Variants in ANKRD30B observed in about 807,000 individuals in gnomAD.
The protein encoded by ANKRD30B is ankyrin repeat domain-containing protein 30B.
In ANKRD30B, 144 loss-of-function variants were observed where a neutral mutation model predicts 202.2. The ratio of observed to expected loss-of-function variants is 0.71; its 90% confidence interval spans 0.62 to 0.82. The LOEUF (loss-of-function observed/expected upper bound fraction) is 0.82. ANKRD30B is among the 40% of genes least tolerant of loss of function. ANKRD30B has a pLI of 0.00. For missense variants in ANKRD30B, 1,487 were observed against 1,669.1 expected, an observed-to-expected ratio of 0.89 and a Z score of 1.90; for synonymous variants, 508 against 561.3, an observed-to-expected ratio of 0.91 and a Z score of 1.34.
downstream of ANKRD30B, among the ~76,000 whole-genome samples, chr18:14,858,068 T>C (rs1331751160): frequency 2.1e-5 from 2 of 96,066 alleles, no homozygotes; most frequent in East Asian, 5.4e-4. Flanking sequence ...GGCGCTCAAC[T>C]GCCAGACCGG....
intron 41 of ANKRD30B, 93 bp downstream of exon 41, chr18:14,850,475 G>T (rs1003257807): frequency 1.6e-6 from 2 of 1,246,638 alleles, no homozygotes; most frequent in East Asian, 6.0e-5. Context: ...TGTTATTCAG[G>T]TCTAAATCAA....
chr18:14,933,703 G>A, the ANKRD30B span, among the ~76,000 whole-genome samples: 3,051 of 151,192 alleles, frequency 0.02, 105 homozygotes, highest in African/African-American at 0.07. Flanking sequence ...AAAGGGGTTA[G>A]GGACTGGCAT....
chr18:14,913,814 C>T, the ANKRD30B span, among the ~76,000 whole-genome samples: 1 of 152,174 alleles, frequency 6.6e-6, no homozygotes, highest in African/African-American at 2.4e-5. Context: ...GTTTACTCTC[C>T]CTCTCACAGT....
the ANKRD30B span, among the ~76,000 whole-genome samples, chr18:14,930,703 G>A: frequency 6.6e-6 from 1 of 151,892 alleles, no homozygotes; most frequent in East Asian, 1.9e-4. Context: ...AACAGCATGG[G>A]GTGTCCACAG....
chr18:14,834,501 GAT>G (rs1215849282), intron 34 of ANKRD30B, among the ~76,000 whole-genome samples: 2 of 151,948 alleles, frequency 1.3e-5, no homozygotes, highest in African/African-American at 4.8e-5. Context: ...TAGAATAAAA[GAT>G]ATGATATAAA....
chr18:14,917,130 CT>C, the ANKRD30B span, among the ~76,000 whole-genome samples: 10 of 152,230 alleles, frequency 6.6e-5, no homozygotes. Context: ...CTCCCTCCCC[CT>C]GGCTGCGTCC....
chr18:14,891,067 A>G, the ANKRD30B span, among the ~76,000 whole-genome samples: 1 of 152,122 alleles, frequency 6.6e-6, no homozygotes, highest in African/African-American at 2.4e-5. Flanking sequence ...GCAATTTGCT[A>G]TTAATTACAT....
intron 9 of ANKRD30B, among the ~76,000 whole-genome samples, chr18:14,777,069 A>T (rs1404558356): frequency 6.6e-6 from 1 of 152,214 alleles, no homozygotes; most frequent in African/African-American, 2.4e-5. Flanking sequence ...AGGACTACAG[A>T]GTAAGGCAGA....
At position 14,814,607 on chromosome 18, in the gene ANKRD30B, A is replaced by C. The variant is rs1470281468; in HGVS notation, c.2551-14A>C. On this transcript the variant is annotated splice_polypyrimidine_tract_variant and intron_variant, in intron 29 of 43. Transcript: ENST00000690538. Reference sequence around the variant, plus strand: ...TTCTCCATTGAAATTATTTATTGATATTACTTTTAACAGAGTTTCCTTGAG... The same window carrying C: ...TTCTCCATTGAAATTATTTATTGATCTTACTTTTAACAGAGTTTCCTTGAG... 8.1e-7 allele frequency: 1 copy of C among 1,228,794 alleles called. No individual in the cohort carries two copies. Among genetic ancestry groups the C allele is most frequent in the East Asian group, 2.6e-5 (1 of 39,136 alleles). 76.1% of individuals were successfully genotyped at this position (1,228,794 alleles called of 1,614,324 possible). A position where few individuals can be genotyped will look rare whatever the true frequency, so the allele number is the denominator to read the frequency against.
At chr18:14,900,505 T>C in the ANKRD30B span, among the ~76,000 whole-genome samples, 2 of 152,176 alleles carry the variant, frequency 1.3e-5, no homozygotes, top group South Asian at 2.1e-4. Context: ...CGGTATAATG[T>C]CATTCATTAT....
At chr18:14,934,908 CCACACACACACACACACACACA>C in the ANKRD30B span, among the ~76,000 whole-genome samples, 1 of 134,602 alleles carries the variant, frequency 7.4e-6, no homozygotes, top group African/African-American at 3.0e-5. Flanking sequence ...CCTCCCTCTA[CCACACACACACACACACACACA>C]CACACACACA....
chr18:14,849,239 G>A (rs1033333769), intron 40 of ANKRD30B, among the ~76,000 whole-genome samples: 8 of 151,704 alleles, frequency 5.3e-5, no homozygotes, highest in African/African-American at 1.9e-4. Context: ...AGACATAACT[G>A]CATGTAAATC....
At position 14,848,808 on chromosome 18, in the gene ANKRD30B, A is replaced by G; in HGVS notation, c.3274A>G (p.Lys1092Glu). The change falls in exon 40 of 44, where the codon AAA becomes GAA. Residue 1092 changes from lysine to glutamate, a missense_variant. Physicochemically the swap from Lys to Glu is moderately conservative, Grantham distance 56 (BLOSUM62 1). Coordinates refer to ENST00000690538, the MANE Select transcript of ANKRD30B (RefSeq NM_001367607.2). Reference sequence around the variant, plus strand: ...AGATAACTGTGAACAAATTACAGCAAAAATGGAACAAACGAAAAATAAGTT... The same window carrying G: ...AGATAACTGTGAACAAATTACAGCAGAAATGGAACAAACGAAAAATAAGTT... ...KKDNCEQITA[K>E]MEQTKNKFCV... 1 of 1,579,328 alleles carries G rather than the reference A, an allele frequency of 6.3e-7. No homozygotes were observed. The highest frequency in any genetic ancestry group is 1.8e-5 in the Admixed American group (1 of 55,240).
chr18:14,922,514 G>A, the ANKRD30B span, among the ~76,000 whole-genome samples: 13 of 152,140 alleles, frequency 8.5e-5, no homozygotes, highest in African/African-American at 3.1e-4. Flanking sequence ...AATTAGCCGG[G>A]CGTGGTGGCA....
chr18:14,861,941 C>T, the ANKRD30B span, among the ~76,000 whole-genome samples: 6 of 152,146 alleles, frequency 3.9e-5, no homozygotes, highest in South Asian at 2.1e-4. Flanking sequence ...AGTGTCTTCT[C>T]GGACCACTGT....
chr18:14,876,035 C>T, the ANKRD30B span, among the ~76,000 whole-genome samples: 6 of 152,102 alleles, frequency 3.9e-5, no homozygotes, highest in Non-Finnish European at 5.9e-5. Flanking sequence ...CTGCTCAAGT[C>T]AGAGCAAGCC....
At chr18:14,764,228 GA>G (rs1915735784) in intron 7 of ANKRD30B, 138 bp downstream of exon 7, 2 of 837,990 alleles carry the variant, frequency 2.4e-6, no homozygotes, top group Non-Finnish European at 3.4e-6. Flanking sequence ...TAATAGTGTA[GA>G]AATAAATAGA....
chr18:14,880,849 T>G, the ANKRD30B span, among the ~76,000 whole-genome samples: 1 of 152,180 alleles, frequency 6.6e-6, no homozygotes, highest in Non-Finnish European at 1.5e-5. Flanking sequence ...TTGCAGCTAT[T>G]GTAAAAGGGA....
chr18:14,832,042 T>C (rs1453347002), intron 34 of ANKRD30B, among the ~76,000 whole-genome samples: 1 of 148,258 alleles, frequency 6.7e-6, no homozygotes, highest in Non-Finnish European at 1.5e-5. Flanking sequence ...CTTGGTTCTT[T>C]AATTAAACAC....
Sources: allele counts gnomAD v4.1 joint callset (sites outside exome capture counted in the v4.1 genomes callset), GRCh38; gene constraint gnomAD v4.1.1; transcripts MANE v1.5; gene names NCBI Gene and HGNC (gene_info 2026-07-23, HGNC 2026-07-21).